Variants in ARMC2 observed in about 807,000 individuals in gnomAD.
ARMC2 encodes the protein armadillo repeat containing 2, also known as armadillo repeat-containing protein 2.
Under a neutral mutation model 90.3 loss-of-function variants are expected in ARMC2, and 67 were observed. The observed-to-expected ratio is 0.74, with a 90% CI of 0.61 to 0.91. The LOEUF is 0.91. ARMC2 is among the 40% of genes least tolerant of loss of function. The pLI is 0.00. For missense variants in ARMC2, 920 were observed against 1,030.9 expected (o/e 0.89, Z 1.47); for synonymous variants, 393 against 393.0 (o/e 1.00, Z 0.00).
chr6:108,862,912 G>A (rs1366047307), intron 3 of ARMC2, among the ~76,000 whole-genome samples: 1 of 152,172 alleles, frequency 6.6e-6, no homozygotes, highest in Non-Finnish European at 1.5e-5. Context: ...TTAGCTCAAT[G>A]CTGCTTTTGT....
chr6:108,896,547 A>G (rs541615642), intron 6 of ARMC2, among the ~76,000 whole-genome samples: 95 of 152,334 alleles, frequency 6.2e-4, no homozygotes, highest in Middle Eastern at 3.4e-3. Flanking sequence ...GCCAGACACA[A>G]CTGTGCCCTT....
chr6:108,894,638 G>T, intron 6 of ARMC2, 95 bp downstream of exon 6: 2 of 1,099,956 alleles, frequency 1.8e-6, no homozygotes, highest in Non-Finnish European at 2.5e-6. Flanking sequence ...GGAAACTTAA[G>T]GAAGTTTGTC....
At chr6:108,976,473 C>T (rs12198152), downstream of ARMC2, among the ~76,000 whole-genome samples, 1 of 151,824 alleles carries the variant, frequency 6.6e-6, no homozygotes, top group African/African-American at 2.4e-5. Context: ...GCTTAGGATT[C>T]TCTTGGCTAT....
the ARMC2 span, among the ~76,000 whole-genome samples, chr6:108,989,636 TATAA>T: frequency 3.4e-5 from 5 of 147,378 alleles, no homozygotes; most frequent in East Asian, 2.0e-4. Context: ...AATTTACTTG[TATAA>T]ATAAATAAAA....
intron 12 of ARMC2, among the ~76,000 whole-genome samples, chr6:108,948,611 C>G (rs1292056738): frequency 6.6e-6 from 1 of 150,840 alleles, no homozygotes; most frequent in Admixed American, 6.7e-5. Flanking sequence ...CCACCCCCTC[C>G]TTTTCCATCT....
At chr6:108,987,722 A>C in the ARMC2 span, 1 of 659,824 alleles carries the variant, frequency 1.5e-6, no homozygotes, top group Non-Finnish European at 2.7e-6. Context: ...AAATAAGTAC[A>C]CTTCCTACAC....
intron 12 of ARMC2, among the ~76,000 whole-genome samples, chr6:108,948,565 A>T (rs1776965632): frequency 6.7e-6 from 1 of 150,262 alleles, no homozygotes; most frequent in Admixed American, 6.7e-5. Context: ...TTGATCTCGC[A>T]TGCCATGCTT....
intron 10 of ARMC2, among the ~76,000 whole-genome samples, chr6:108,916,879 T>C (rs898395243): frequency 6.6e-6 from 1 of 152,164 alleles, no homozygotes; most frequent in Non-Finnish European, 1.5e-5. Flanking sequence ...GAGTCTTCTG[T>C]CTATGTCACA....
chr6:109,011,501 C>T, the ARMC2 span, among the ~76,000 whole-genome samples: 1 of 152,118 alleles, frequency 6.6e-6, no homozygotes, highest in Non-Finnish European at 1.5e-5. Context: ...TCAAAGAGTA[C>T]TAATTTCTTG....
At chr6:109,032,629 G>C in the ARMC2 span, among the ~76,000 whole-genome samples, 1 of 151,486 alleles carries the variant, frequency 6.6e-6, no homozygotes, top group South Asian at 2.1e-4. Context: ...TGGGGGGAGT[G>C]GGGGGGAAGA....
intron 12 of ARMC2, among the ~76,000 whole-genome samples, chr6:108,941,660 C>T (rs1776451337): frequency 6.6e-6 from 1 of 152,164 alleles, no homozygotes; most frequent in Admixed American, 6.5e-5. Flanking sequence ...AGGCATTTGT[C>T]AGGTTTGTAT....
intron 8 of ARMC2, chr6:108,908,011 C>A: frequency 1.2e-6 from 1 of 801,646 alleles, no homozygotes; most frequent in African/African-American, 1.7e-5. Flanking sequence ...CTCCTGGGAA[C>A]AGAAGGAATC....
In ARMC2 at chr6:108,953,411, C is replaced by CCCAA. The variant is rs1460434477; in HGVS notation, c.1915+60_1915+61insCCAA. On this transcript the variant is annotated intron_variant, in intron 13 of 17. Transcript: ENST00000392644. ...AACCAACTTTCCCGCGGCCCAAAGA[C>CCCAA]AGTTCTGTGTCTGTGGTGTGATGAG... 2.0e-6 allele frequency: 3 copies of CCCAA among 1,492,464 alleles called. No individual in the cohort carries two copies. The African/African-American group carries it at 4.2e-5, about 21-fold the overall frequency. 92.5% of individuals were successfully genotyped at this position (1,492,464 alleles called of 1,614,324 possible). A position where few individuals can be genotyped will look rare whatever the true frequency, so the allele number is the denominator to read the frequency against.
the ARMC2 span, chr6:109,000,770 A>C: frequency 9.5e-7 from 1 of 1,055,806 alleles, no homozygotes; most frequent in Non-Finnish European, 1.2e-6. Context: ...TAAGTTTATT[A>C]GTATGTTTTC....
rs557516395 is a variant in ARMC2, at chr6:108,880,925, G to A, written c.671+4575G>A. Among the ~76,000 whole-genome samples the A allele has an allele frequency of 1.7e-4, 25 of 151,218 alleles. 1 individual carries two copies. Among genetic ancestry groups the A allele is most frequent in the African/African-American group, 5.6e-4 (23 of 41,208 alleles). On this transcript the variant is annotated intron_variant, in intron 5 of 17. Coordinates refer to ENST00000392644, the MANE Select transcript of ARMC2 (RefSeq NM_032131.6). Reference sequence around the variant, plus strand: ...GGATGGAGTGCAGTGGCACAATCTTGGCTCACTGCAACCTCCGCCTCCCTG... The same window carrying A: ...GGATGGAGTGCAGTGGCACAATCTTAGCTCACTGCAACCTCCGCCTCCCTG...
chr6:108,953,057 A>G lies in ARMC2; in HGVS notation c.1621A>G (p.Ile541Val), dbSNP rs766030358. ...GGATTTAGTCGTCCGTGTTGTTTTTATTCTTGGCAACCTGACGGCAAAAAA... is the reference window on the plus strand; with the variant it reads ...GGATTTAGTCGTCCGTGTTGTTTTTGTTCTTGGCAACCTGACGGCAAAAAA... ...KQDLVVRVVFILGNLTAKNNQ... is the reference protein window; with the variant it reads ...KQDLVVRVVFVLGNLTAKNNQ... The change falls in exon 13 of 18, where the codon ATT becomes GTT. Residue 541 changes from isoleucine (I) to valine (V), a missense_variant. By Grantham distance (29) the Ile-to-Val change is conservative. Transcript: ENST00000392644. The G allele has an allele frequency of 2.5e-6, 4 of 1,611,764 alleles. No homozygotes were observed. Among genetic ancestry groups the G allele is most frequent in the Non-Finnish European group, 3.4e-6 (4 of 1,178,860 alleles).
the ARMC2 span, among the ~76,000 whole-genome samples, chr6:108,982,297 C>T: frequency 6.6e-6 from 1 of 152,170 alleles, no homozygotes; most frequent in Admixed American, 6.5e-5. Context: ...TCAAGGCCCT[C>T]TTCCTGGTTT....
Position 108,973,508 on chromosome 6 carries a change from T to G in ARMC2, c.2598T>G (p.Ser866=), listed in dbSNP as rs773089262. 2 of 1,610,718 alleles carry G rather than the reference T, an allele frequency of 1.2e-6. No homozygotes were observed. The highest frequency in any genetic ancestry group is 1.7e-4 in the Middle Eastern group (1 of 6,044). The part of the protein sequence containing the change: ...HTFLEPLPIP[S]F ...TCCTGGAACCCCTGCCCATTCCCTC[T>G]TTCTAACATGATGCAGATTAACAGT... is the stretch of plus-strand genomic sequence containing the variant. The change falls in exon 18 of 18, where the codon TCT becomes TCG. Residue 866 remains serine, a synonymous_variant. Coordinates refer to ENST00000392644, the MANE Select transcript of ARMC2 (RefSeq NM_032131.6).
At chr6:108,897,425 G>A (rs1241926353) in intron 6 of ARMC2, among the ~76,000 whole-genome samples, 1 of 152,076 alleles carries the variant, frequency 6.6e-6, no homozygotes, top group African/African-American at 2.4e-5. Flanking sequence ...CTTGCATTGG[G>A]TTAGATAGAT....
Sources: gnomAD v4.1 joint callset for allele counts (sites outside exome capture counted in the v4.1 genomes callset) on GRCh38, gnomAD v4.1.1 for gene constraint, MANE v1.5 for transcripts, NCBI Gene and HGNC (gene_info 2026-07-23, HGNC 2026-07-21) for gene names.